The following ASNSD1 variants were observed in gnomAD, a reference collection of about 807,000 sequenced individuals.
ASNSD1 encodes asparagine synthetase domain-containing protein 1.
In ASNSD1, 36 loss-of-function variants were observed where a neutral mutation model predicts 48.3. The ratio of observed to expected loss-of-function variants is 0.75; its 90% confidence interval spans 0.57 to 0.99. The LOEUF (loss-of-function observed/expected upper bound fraction) is 0.99. Among genes scored for constraint, ASNSD1 ranks in the 50% least tolerant of loss-of-function variants. The pLI is 0.00. For synonymous variants in ASNSD1, 257 were observed against 262.1 expected (o/e 0.98, Z 0.19); for missense variants, 714 against 758.2 (o/e 0.94, Z 0.69).
At position 189,666,810 on chromosome 2, in the gene ASNSD1, A is replaced by T; in HGVS notation, c.678A>T (p.Val226=). ...SQISADLPAF[V]SVVANEAKLY... The stretch of plus-strand genomic sequence containing the variant: ...TTTCAGCAGACTTACCAGCATTTGT[A>T]TCAGTGGTAGCAAATGAAGCCAAAC... Residue 226 remains valine (V), a synonymous_variant, in exon 4 of 6, where the codon GTA becomes GTT. Transcript: ENST00000260952. The T allele has an allele frequency of 6.2e-7, 1 of 1,613,996 alleles. No individual in the cohort carries two copies. The highest frequency in any genetic ancestry group is 8.5e-7 in the Non-Finnish European group (1 of 1,179,846).
At chr2:189,661,751 C>T (rs1252668438) in intron 1 of ASNSD1, 141 bp downstream of exon 1, 1 of 397,570 alleles carries the variant, frequency 2.5e-6, no homozygotes, top group Admixed American at 4.4e-5. Flanking sequence ...ATTCATAGCA[C>T]TTGACAGCCA....
chr2:189,665,085 C>T (rs935035139), intron 2 of ASNSD1, among the ~76,000 whole-genome samples: 22 of 152,126 alleles, frequency 1.4e-4, no homozygotes, highest in African/African-American at 4.8e-5. Flanking sequence ...TAAAAGAACA[C>T]TTACTGATAA....
chr2:189,666,012 T>G (rs1304747411), intron 3 of ASNSD1, 29 bp from the exon 4 acceptor site: 8 of 1,132,028 alleles, frequency 7.1e-6, no homozygotes, highest in Non-Finnish European at 9.7e-6. Flanking sequence ...TTTATGTTAT[T>G]TAATATTTAT....
At chr2:189,669,746 A>G (rs2032889965) in intron 5 of ASNSD1, among the ~76,000 whole-genome samples, 1 of 152,190 alleles carries the variant, frequency 6.6e-6, no homozygotes, top group African/African-American at 2.4e-5. Context: ...GGGAAGGAAA[A>G]GGGCAGAAAG....
chr2:189,670,498 A>G lies in ASNSD1; in HGVS notation c.1704A>G (p.Glu568=), dbSNP rs754084492. 1 of 1,613,338 alleles carries G rather than the reference A, an allele frequency of 6.2e-7. No individual in the cohort carries two copies. The highest frequency in any genetic ancestry group is 1.7e-5 in the Admixed American group (1 of 59,934). The change falls in exon 6 of 6, where the codon GAA becomes GAG. Residue 568 remains glutamate, a synonymous_variant. Transcript: ENST00000260952. The part of the protein sequence containing the change: ...VSFLNSLPIW[E]KANLTLPRGI... ...TTCTAAATTCTCTGCCGATTTGGGA[A>G]AAAGCAAACTTGACTTTACCCCGAG...
chr2:189,670,363 T>TAA lies in ASNSD1; in HGVS notation c.1647-78_1647-77insAA. On this transcript the variant is annotated intron_variant, in intron 5 of 5. Transcript: ENST00000260952. ...TGTTGTGAAACAATTTGGTTAAATT[T>TAA]TAGCTATAAAACTGTGTATAAATCA... is the stretch of plus-strand genomic sequence containing the variant. The TAA allele has an allele frequency of 7.2e-6, 9 of 1,243,656 alleles. No individual in the cohort carries two copies. In the South Asian group the frequency reaches 1.1e-4, roughly 15 times the overall value. The allele number at this position is 1,243,656 out of a possible 1,614,324, so 77.0% of individuals were successfully genotyped here.
At position 189,667,808 on chromosome 2, in the gene ASNSD1, T is replaced by C. The variant is rs979194334; in HGVS notation, c.1509T>C (p.Tyr503=). 10 of 1,613,992 alleles carry C rather than the reference T, an allele frequency of 6.2e-6. No homozygotes were observed. In the Admixed American group the frequency reaches 6.7e-5, roughly 11 times the overall value. The change falls in exon 5 of 6, where the codon TAT becomes TAC. Residue 503 remains tyrosine (Y), a synonymous_variant. Coordinates refer to ENST00000260952, the MANE Select transcript of ASNSD1 (RefSeq NM_019048.4). ...GTGCAGATGAGCAACTTGCAGGTTA[T>C]TCTCGTCATCGTGTCCGCTTTCAGT... The part of the protein sequence containing the change: ...GIGADEQLAG[Y]SRHRVRFQSH...
chr2:189,665,552 T>A (rs2032765840), intron 3 of ASNSD1, 101 bp downstream of exon 3: 1 of 322,450 alleles, frequency 3.1e-6, no homozygotes, highest in African/African-American at 2.3e-5. Context: ...TTTGATTTTC[T>A]TCAAATTAGG....
rs1008729344 is a variant in ASNSD1 at position 189,667,758 on chromosome 2, T to C, written c.1465-6T>C. On this transcript the variant is annotated splice_polypyrimidine_tract_variant and splice_region_variant and intron_variant, in intron 4 of 5. Transcript: ENST00000260952. Reference sequence around the variant, plus strand: ...ATTTTTATACGGATTTCTTTAAACCTCATAGGTAGTTCTCACTGGAATTGG... The same window carrying C: ...ATTTTTATACGGATTTCTTTAAACCCCATAGGTAGTTCTCACTGGAATTGG... 1 of 1,603,706 alleles carries C rather than the reference T, an allele frequency of 6.2e-7. No individual in the cohort carries two copies. The highest frequency in any genetic ancestry group is 8.5e-7 in the Non-Finnish European group (1 of 1,176,948).
chr2:189,663,074 C>A (rs931204224), intron 1 of ASNSD1, among the ~76,000 whole-genome samples: 1 of 151,710 alleles, frequency 6.6e-6, no homozygotes, highest in Non-Finnish European at 1.5e-5. Flanking sequence ...TAGGGCATTG[C>A]TTGATTTGAA....
At chr2:189,668,637 T>C (rs911532352) in intron 5 of ASNSD1, among the ~76,000 whole-genome samples, 3 of 152,262 alleles carry the variant, frequency 2.0e-5, no homozygotes, top group African/African-American at 7.2e-5. Context: ...CCTTCTCCAG[T>C]GTTATAGAAA....
At chr2:189,664,931 C>G (rs1044556457) in intron 2 of ASNSD1, among the ~76,000 whole-genome samples, 1 of 152,244 alleles carries the variant, frequency 6.6e-6, no homozygotes, top group East Asian at 1.9e-4. Flanking sequence ...ATCATCACAA[C>G]CTTGATTTAC....
chr2:189,665,637 T>C lies in ASNSD1; in HGVS notation c.-93+186T>C, dbSNP rs1008713285. Among the ~76,000 whole-genome samples the C allele has an allele frequency of 6.9e-3, 804 of 116,298 alleles. 57 individuals carry two copies. Among genetic ancestry groups the C allele is most frequent in the African/African-American group, 0.023 (746 of 32,790 alleles). 76.3% of individuals were successfully genotyped at this position (116,298 alleles called of 152,430 possible). A position where few individuals can be genotyped will look rare whatever the true frequency, so the allele number is the denominator to read the frequency against. On this transcript the variant is annotated intron_variant, in intron 3 of 5. Transcript: ENST00000260952. ...ATATATATATATATATATATATATATATATATATATTATAAATGTTTTAGA... is the reference window on the plus strand; with the variant it reads ...ATATATATATATATATATATATATACATATATATATTATAAATGTTTTAGA...
Position 189,666,870 on chromosome 2 carries a change from G to C in ASNSD1, c.738G>C (p.Met246Ile). The C allele has an allele frequency of 6.2e-7, 1 of 1,614,042 alleles. No homozygotes were observed. Among genetic ancestry groups the C allele is most frequent in the Non-Finnish European group, 8.5e-7 (1 of 1,180,008 alleles). Residue 246 changes from methionine (M) to isoleucine (I), a missense_variant, in exon 4 of 6, where the codon ATG becomes ATC. Physicochemically the swap from Met to Ile is conservative, Grantham distance 10. Coordinates refer to ENST00000260952, the MANE Select transcript of ASNSD1 (RefSeq NM_019048.4). ...YLEKPVVPLN[M>I]MLPQAALETH... ...AAAAACCTGTTGTTCCTTTAAATAT[G>C]ATGTTGCCACAAGCTGCATTGGAGA...
chr2:189,667,868 G>C lies in ASNSD1; in HGVS notation c.1569G>C (p.Met523Ile). 5 of 1,614,088 alleles carry C rather than the reference G, an allele frequency of 3.1e-6. No individual in the cohort carries two copies. Among genetic ancestry groups the C allele is most frequent in the Non-Finnish European group, 4.2e-6 (5 of 1,180,006 alleles). ...HGLEGLNKEI[M>I]MELGRISSRN... Reference sequence around the variant, plus strand: ...TGGAAGGATTGAATAAGGAAATAATGATGGAACTGGGTCGAATTTCTTCTA... The same window carrying C: ...TGGAAGGATTGAATAAGGAAATAATCATGGAACTGGGTCGAATTTCTTCTA... Residue 523 changes from methionine (M) to isoleucine (I), a missense_variant, in exon 5 of 6, where the codon ATG becomes ATC. Transcript: ENST00000260952.
chr2:189,661,517 G>A lies in ASNSD1; in HGVS notation c.-316G>A. 1 of 399,266 alleles carries A rather than the reference G, an allele frequency of 2.5e-6. No individual in the cohort carries two copies. The highest frequency in any genetic ancestry group is 4.4e-6 in the Non-Finnish European group (1 of 226,228). 24.7% of individuals were successfully genotyped at this position (399,266 alleles called of 1,614,324 possible). On this transcript the variant is annotated 5_prime_UTR_variant, in exon 1 of 6. Coordinates refer to ENST00000260952, the MANE Select transcript of ASNSD1 (RefSeq NM_019048.4). ...CCATCCCGCGTGTCTTGCGCTCGGT[G>A]GAAATGCCCAGCCGAGGGACGCGAC...
chr2:189,669,100 T>G (rs995729596), intron 5 of ASNSD1, among the ~76,000 whole-genome samples: 11 of 152,228 alleles, frequency 7.2e-5, no homozygotes, highest in Non-Finnish European at 1.5e-5. Flanking sequence ...GTTTCTTGTC[T>G]CTACTTCAGT....
chr2:189,667,694 G>A, intron 4 of ASNSD1, 70 bp from the exon 5 acceptor site: 9 of 1,539,092 alleles, frequency 5.8e-6, no homozygotes, highest in Non-Finnish European at 7.9e-6. Context: ...CATATTTTAG[G>A]TGCATTTATC....
At position 189,668,750 on chromosome 2, in the gene ASNSD1, T is replaced by C. The variant is rs139978891; in HGVS notation, c.1646+805T>C. Among the ~76,000 whole-genome samples the C allele has an allele frequency of 4.5e-3, 684 of 152,348 alleles. 3 individuals are homozygous for C. Among genetic ancestry groups the C allele is most frequent in the African/African-American group, 0.016 (654 of 41,572 alleles). ...TCTGCCACGTTTTTTGAACACAATT[T>C]AGTTACATATTGCAGATTACCTAAA... On this transcript the variant is annotated intron_variant, in intron 5 of 5. Coordinates refer to ENST00000260952, the MANE Select transcript of ASNSD1 (RefSeq NM_019048.4).
Sources: gnomAD v4.1 joint callset for allele counts (sites outside exome capture counted in the v4.1 genomes callset) on GRCh38, gnomAD v4.1.1 for gene constraint, MANE v1.5 for transcripts, NCBI Gene and HGNC (gene_info 2026-07-23, HGNC 2026-07-21) for gene names.